Variants in NRXN3 observed in about 807,000 individuals in gnomAD.
The protein encoded by NRXN3 is neurexin III.
NRXN3 carries 32 observed loss-of-function variants against 137.6 expected under a neutral mutation model. The ratio of observed to expected loss-of-function variants is 0.23; its 90% CI spans 0.18 to 0.31. The LOEUF is 0.31. Among genes scored for constraint, NRXN3 ranks in the 10% least tolerant of loss-of-function variants. The pLI is 1.00. For missense variants in NRXN3, 1,574 were observed against 2,062.5 expected, an observed-to-expected ratio of 0.76 and a Z score of 4.59; for synonymous variants, 798 against 784.5, an observed-to-expected ratio of 1.02 and a Z score of -0.29.
chr14:78,526,721 A>T, intron 4 of NRXN3: 1 of 516,342 alleles, frequency 1.9e-6, no homozygotes, highest in South Asian at 1.4e-5. Context: ...ATCTTTGTAC[A>T]ATAATCCTAA....
At chr14:78,895,232 G>A (rs2099170039) in intron 10 of NRXN3, among the ~76,000 whole-genome samples, 1 of 151,916 alleles carries the variant, frequency 6.6e-6, no homozygotes, top group Non-Finnish European at 1.5e-5. Flanking sequence ...CTCTTGCTTG[G>A]TGTAGTCACC....
chr14:79,088,308 A>C (rs2048509650), intron 15 of NRXN3, among the ~76,000 whole-genome samples: 1 of 149,570 alleles, frequency 6.7e-6, no homozygotes, highest in Admixed American at 6.6e-5. Context: ...AAGTGATTTG[A>C]AGCCCCAGGT....
chr14:79,122,009 G>A (rs1214734088), intron 15 of NRXN3, among the ~76,000 whole-genome samples: 1 of 152,100 alleles, frequency 6.6e-6, no homozygotes, highest in Admixed American at 6.6e-5. Flanking sequence ...TAATACCTTG[G>A]CTGAATATCT....
At chr14:78,965,983 A>G (rs760312472) in intron 11 of NRXN3, 42 bp from the exon 12 acceptor site, 15 of 1,587,930 alleles carry the variant, frequency 9.4e-6, no homozygotes, top group Middle Eastern at 1.8e-4. Flanking sequence ...GTGATAAATG[A>G]TGGTAACTTT....
At chr14:78,735,151 A>G (rs930465329) in intron 8 of NRXN3, among the ~76,000 whole-genome samples, 3 of 152,222 alleles carry the variant, frequency 2.0e-5, no homozygotes, top group Admixed American at 6.5e-5. Context: ...AGAAGATCCT[A>G]TATTTGTAGC....
At position 79,865,858 on chromosome 14, in the gene NRXN3, G is replaced by C. The variant is rs565536830; in HGVS notation, c.*3894G>C. The C allele has an allele frequency of 6.6e-6, 1 of 151,986 alleles. No homozygotes were observed. Among genetic ancestry groups the C allele is most frequent in the African/African-American group, 2.4e-5 (1 of 41,344 alleles). The allele number at this position is 151,986 out of a possible 1,614,324, so 9.4% of individuals were successfully genotyped here. Reference sequence around the variant, plus strand: ...TCACCATGTTGGCAAGGCTGGTCTCGAACTCCTTACTTCAAGTGATCCACC... The same window carrying C: ...TCACCATGTTGGCAAGGCTGGTCTCCAACTCCTTACTTCAAGTGATCCACC... On this transcript the variant is annotated 3_prime_UTR_variant, in exon 21 of 21. Coordinates refer to ENST00000335750, the MANE Select transcript of NRXN3 (RefSeq NM_001330195.2).
In NRXN3 at chr14:79,760,457, G is replaced by A. The variant is rs555249744; in HGVS notation, c.4015-44655G>A. 2.4e-4 allele frequency among the ~76,000 whole-genome samples: 35 copies of A among 145,598 alleles called. No individual in the cohort carries two copies. In the South Asian group the frequency reaches 7.1e-3, roughly 30 times the overall value. ...TTTTTAAGCCTCTGTGAGAAATAAC[G>A]CAGCTGTTTGGCCCGTGGTATTCTC... On this transcript the variant is annotated intron_variant, in intron 19 of 20. Transcript: ENST00000335750.
chr14:78,293,425 T>A (rs530812433), intron 3 of NRXN3, among the ~76,000 whole-genome samples: 1 of 152,320 alleles, frequency 6.6e-6, no homozygotes, highest in South Asian at 2.1e-4. Context: ...CATACAGAAC[T>A]TATTATCCCC....
intron 15 of NRXN3, among the ~76,000 whole-genome samples, chr14:79,245,812 T>G (rs188558680): frequency 1.1e-3 from 172 of 152,268 alleles, no homozygotes; most frequent in African/African-American, 4.0e-3. Flanking sequence ...CAGAGTCCTT[T>G]TTAAAAAATA....
chr14:78,423,425 CCCT>C (rs2093535988), intron 4 of NRXN3, among the ~76,000 whole-genome samples: 1 of 152,174 alleles, frequency 6.6e-6, no homozygotes, highest in South Asian at 2.1e-4. Flanking sequence ...CTTATACCTC[CCCT>C]CCTCCAACCT....
intron 4 of NRXN3, among the ~76,000 whole-genome samples, chr14:78,411,514 T>C (rs1310201260): frequency 2.6e-5 from 4 of 152,176 alleles, no homozygotes; most frequent in Non-Finnish European, 5.9e-5. Flanking sequence ...CACAAGGTTA[T>C]TGTGAGAATT....
intron 15 of NRXN3, among the ~76,000 whole-genome samples, chr14:79,276,314 T>C (rs1028277812): frequency 2.0e-5 from 3 of 151,904 alleles, no homozygotes; most frequent in Non-Finnish European, 4.4e-5. Context: ...CATGAAAAAA[T>C]TAACAGTGGG....
At chr14:78,762,318 A>T (rs1219623002) in intron 8 of NRXN3, among the ~76,000 whole-genome samples, 1 of 152,144 alleles carries the variant, frequency 6.6e-6, no homozygotes, top group Admixed American at 6.5e-5. Flanking sequence ...CATTTTGTAG[A>T]TTCCAAAAGC....
intron 15 of NRXN3, among the ~76,000 whole-genome samples, chr14:79,434,680 G>A (rs2095815694): frequency 6.6e-6 from 1 of 152,202 alleles, no homozygotes; most frequent in Admixed American, 6.5e-5. Flanking sequence ...TGAAGATTGA[G>A]TGCAGGGGAT....
intron 4 of NRXN3, among the ~76,000 whole-genome samples, chr14:78,465,121 T>C (rs1027422451): frequency 4.6e-5 from 7 of 152,056 alleles, no homozygotes; most frequent in Non-Finnish European, 1.0e-4. Flanking sequence ...CAGAATTGTG[T>C]GTAAGACAAT....
At chr14:79,331,085 G>T (rs1349204441) in intron 15 of NRXN3, among the ~76,000 whole-genome samples, 1 of 152,174 alleles carries the variant, frequency 6.6e-6, no homozygotes, top group Non-Finnish European at 1.5e-5. Context: ...GCAGTCTAGG[G>T]ATGCTAAGGG....
intron 15 of NRXN3, among the ~76,000 whole-genome samples, chr14:79,104,591 A>C (rs1159238541): frequency 6.6e-6 from 1 of 152,188 alleles, no homozygotes; most frequent in Non-Finnish European, 1.5e-5. Context: ...AAAACCAGAC[A>C]GTCCTTTCTA....
At chr14:78,618,579 G>T (rs1170155295) in intron 4 of NRXN3, among the ~76,000 whole-genome samples, 2 of 152,180 alleles carry the variant, frequency 1.3e-5, no homozygotes, top group East Asian at 3.8e-4. Flanking sequence ...CTCTGGAAGT[G>T]CACACGCTGA....
chr14:79,535,947 G>A (rs930338463), intron 16 of NRXN3, among the ~76,000 whole-genome samples: 2 of 152,184 alleles, frequency 1.3e-5, no homozygotes, highest in South Asian at 4.1e-4. Context: ...GCTATCGAGA[G>A]CCCAGTGGGA....
Sources: gnomAD v4.1 joint callset for allele counts (sites outside exome capture counted in the v4.1 genomes callset) on GRCh38, gnomAD v4.1.1 for gene constraint, MANE v1.5 for transcripts, NCBI Gene and HGNC (gene_info 2026-07-23, HGNC 2026-07-21) for gene names.